The following SLC22A14 variants were observed in gnomAD, a reference collection of about 807,000 sequenced individuals.
The protein encoded by SLC22A14 is solute carrier family 22 member 14, also known as organic cation transporter-like 4.
In SLC22A14, 50 loss-of-function variants were observed where a neutral mutation model predicts 53.9. The observed-to-expected ratio is 0.93, with a 90% CI of 0.74 to 1.17. The LOEUF is 1.17. Among genes scored for constraint, SLC22A14 ranks in the 50% most tolerant of loss-of-function variants. The probability of loss-of-function intolerance (pLI) is 0.00; values close to 1 mark genes in which losing one functional copy is unlikely to be tolerated. For missense variants in SLC22A14, 671 were observed against 734.7 expected (o/e 0.91, Z 1.00); for synonymous variants, 312 against 303.0 (o/e 1.03, Z -0.31).
chr3:38,311,906 T>A (rs696252), intron 5 of SLC22A14, among the ~76,000 whole-genome samples: 151,384 of 152,264 alleles, frequency 0.99, 75,262 homozygotes, highest in East Asian at 1. Flanking sequence ...CTTTTCTTAT[T>A]CCTGTTTTTT....
chr3:38,290,949 A>G (rs1559543998), intron 1 of SLC22A14, among the ~76,000 whole-genome samples: 1 of 152,338 alleles, frequency 6.6e-6, no homozygotes, highest in South Asian at 2.1e-4. Flanking sequence ...TGTACAGCCA[A>G]TAATAATCTC....
intron 1 of SLC22A14, chr3:38,305,784 A>C: frequency 1.9e-6 from 1 of 527,840 alleles, no homozygotes; most frequent in South Asian, 2.7e-5. Context: ...ATGACAACAG[A>C]AGCACAGCAT....
chr3:38,287,990 G>A (rs1025352937), intron 1 of SLC22A14, among the ~76,000 whole-genome samples: 4 of 152,164 alleles, frequency 2.6e-5, no homozygotes, highest in Admixed American at 6.5e-5. Flanking sequence ...GCACAGTTCA[G>A]TGGCATTAAG....
chr3:38,285,918 T>C (rs553616733), intron 1 of SLC22A14, among the ~76,000 whole-genome samples: 1 of 152,344 alleles, frequency 6.6e-6, no homozygotes, highest in Non-Finnish European at 1.5e-5. Context: ...GATAGTTTTC[T>C]CCACCACTTG....
intron 1 of SLC22A14, among the ~76,000 whole-genome samples, chr3:38,294,317 T>A (rs1200796075): frequency 6.6e-6 from 1 of 152,140 alleles, no homozygotes; most frequent in African/African-American, 2.4e-5. Context: ...AGAAAGTTGG[T>A]ACATGTGGCA....
At chr3:38,286,961 T>G (rs988866592) in intron 1 of SLC22A14, among the ~76,000 whole-genome samples, 7 of 151,962 alleles carry the variant, frequency 4.6e-5, no homozygotes, top group African/African-American at 1.7e-4. Context: ...GGTCTTGAAC[T>G]CCTGACCTCA....
chr3:38,307,159 G>A lies in SLC22A14; in HGVS notation c.517-95G>A. On this transcript the variant is annotated intron_variant, in intron 2 of 10. Coordinates refer to ENST00000448498, the MANE Select transcript of SLC22A14 (RefSeq NM_001320033.2). The surrounding 1 kb of genome is among the most constrained non-coding windows in gnomAD (Gnocchi z 4.4). The stretch of plus-strand genomic sequence containing the variant: ...CACACTGTTAACTGCCCCTACCCCA[G>A]GTCCCCTTGGCCTATAGGTCCCACG... The A allele has an allele frequency of 1.2e-6, 1 of 846,172 alleles. No homozygotes were observed. The highest frequency in any genetic ancestry group is 1.3e-5 in the South Asian group (1 of 75,194). 52.4% of individuals were successfully genotyped at this position (846,172 alleles called of 1,614,324 possible). A position where few individuals can be genotyped will look rare whatever the true frequency, so the allele number is the denominator to read the frequency against.
At chr3:38,284,360 G>C (rs1005144921) in intron 1 of SLC22A14, among the ~76,000 whole-genome samples, 1 of 152,184 alleles carries the variant, frequency 6.6e-6, no homozygotes, top group Non-Finnish European at 1.5e-5. Context: ...GGCCAGGCTG[G>C]GTCACTCCTC....
chr3:38,312,905 G>A, intron 5 of SLC22A14, 94 bp from the exon 6 acceptor site: 1 of 1,498,270 alleles, frequency 6.7e-7, no homozygotes, highest in Non-Finnish European at 9.1e-7. Flanking sequence ...CCTCATGCTG[G>A]CACAGGATGG....
chr3:38,313,212 A>C (rs754900394), intron 6 of SLC22A14, 93 bp downstream of exon 6: 1 of 1,548,034 alleles, frequency 6.5e-7, no homozygotes, highest in South Asian at 1.2e-5. Flanking sequence ...ATTGGTCCAG[A>C]GGGTGCCCCC....
rs189230401 is a variant in SLC22A14, at chr3:38,315,661, T to C, written c.1482T>C (p.Thr494=). ...LMLREFSLAA[T]VTVFFLYTAE... Reference sequence around the variant, plus strand: ...TCAGAGAGTTCAGCCTGGCCGCCACTGTCACTGTGTTCTTCCTCTACACCG... The same window carrying C: ...TCAGAGAGTTCAGCCTGGCCGCCACCGTCACTGTGTTCTTCCTCTACACCG... The change falls in exon 9 of 11, where the codon ACT becomes ACC. Residue 494 remains threonine (T), a synonymous_variant. Coordinates refer to ENST00000448498, the MANE Select transcript of SLC22A14 (RefSeq NM_001320033.2). 1.2e-4 allele frequency: 188 copies of C among 1,614,118 alleles called. 1 individual carries two copies. In the Middle Eastern group the frequency reaches 1.5e-3, roughly 13 times the overall value.
chr3:38,300,296 C>A (rs371586312), intron 1 of SLC22A14, among the ~76,000 whole-genome samples: 1 of 152,066 alleles, frequency 6.6e-6, no homozygotes, highest in Admixed American at 6.6e-5. Flanking sequence ...AAAAATTAGC[C>A]GGATGTGGTG....
chr3:38,317,435 C>A (rs1704653495), intron 10 of SLC22A14, among the ~76,000 whole-genome samples: 1 of 152,218 alleles, frequency 6.6e-6, no homozygotes, highest in Non-Finnish European at 1.5e-5. Context: ...TATACAGGAT[C>A]TGTAGGAACC....
chr3:38,278,927 A>G (rs9825289), upstream of SLC22A14, among the ~76,000 whole-genome samples: 14,303 of 151,844 alleles, frequency 0.094, 1,223 homozygotes, highest in African/African-American at 0.23. Context: ...AGAACACCAT[A>G]TATCATTGTG....
At chr3:38,294,663 C>G (rs1333630428) in intron 1 of SLC22A14, among the ~76,000 whole-genome samples, 1 of 152,098 alleles carries the variant, frequency 6.6e-6, no homozygotes, top group Non-Finnish European at 1.5e-5. Context: ...GGGTGCGTAA[C>G]CACCCATGGA....
chr3:38,300,688 G>T (rs1704140078), intron 1 of SLC22A14, among the ~76,000 whole-genome samples: 1 of 152,146 alleles, frequency 6.6e-6, no homozygotes, highest in Non-Finnish European at 1.5e-5. Flanking sequence ...ATTGGGGGTT[G>T]AACATGAAGC....
At position 38,307,615 on chromosome 3, in the gene SLC22A14, T is replaced by G; in HGVS notation, c.670T>G (p.Phe224Val). 6.2e-7 allele frequency: 1 copy of G among 1,614,250 alleles called. No individual in the cohort carries two copies. Among genetic ancestry groups the G allele is most frequent in the Non-Finnish European group, 8.5e-7 (1 of 1,180,044 alleles). Residue 224 changes from phenylalanine (F) to valine (V), a missense_variant, in exon 4 of 11, where the codon TTC becomes GTC. Physicochemically the swap from Phe to Val is conservative, Grantham distance 50. Transcript: ENST00000448498. This position sits in a 1 kb window ranked among gnomAD's most constrained non-coding sequence, Gnocchi z 4.4. Reference protein sequence around the residue: ...ILLSLLGLIIFGFGTAFMNSF... With the variant: ...ILLSLLGLIIVGFGTAFMNSF... ...GCTGTCACTGCTGGGGCTGATCATC[T>G]TCGGCTTTGGGACAGCCTTCATGAA... is the stretch of plus-strand genomic sequence containing the variant.
intron 9 of SLC22A14, 114 bp downstream of exon 9, chr3:38,315,825 C>T (rs1159832546): frequency 3.6e-6 from 4 of 1,112,224 alleles, no homozygotes; most frequent in Non-Finnish European, 5.2e-6. Context: ...CTGTGCTAAA[C>T]AGTTTACATA....
At chr3:38,315,415 TG>T in intron 8 of SLC22A14, 142 bp from the exon 9 acceptor site, 6 of 843,554 alleles carry the variant, frequency 7.1e-6, no homozygotes, top group Non-Finnish European at 1.1e-5. Flanking sequence ...CCAGCCTGGC[TG>T]GGCCTCTGAC....
Sources: allele counts gnomAD v4.1 joint callset (sites outside exome capture counted in the v4.1 genomes callset), GRCh38; gene constraint gnomAD v4.1.1; non-coding constraint Gnocchi (gnomAD v3.1); transcripts MANE v1.5; gene names NCBI Gene and HGNC (gene_info 2026-07-23, HGNC 2026-07-21).